RPS6KB1: variants seen among roughly 807,000 people sequenced by gnomAD.
RPS6KB1 encodes the protein ribosomal protein S6 kinase beta-1.
In RPS6KB1, 12 loss-of-function variants were observed where a neutral mutation model predicts 70.2. That is an observed-to-expected ratio of 0.17 (90% CI 0.11 to 0.28). The LOEUF (loss-of-function observed/expected upper bound fraction) is 0.28, where lower values mean the gene tolerates loss of function less well. Ranked by LOEUF, RPS6KB1 falls within the 10% of genes least tolerant of loss-of-function variation. The pLI, the probability that RPS6KB1 is intolerant of heterozygous loss-of-function variation, is 1.00. For synonymous variants in RPS6KB1, 175 were observed against 211.2 expected (o/e 0.83, Z 1.49); for missense variants, 270 against 646.6 (o/e 0.42, Z 6.32).
chr17:59,901,316 A>C (rs985366094), intron 1 of RPS6KB1, among the ~76,000 whole-genome samples: 2 of 151,262 alleles, frequency 1.3e-5, no homozygotes, highest in Non-Finnish European at 3.0e-5. Context: ...CGCCCGGCTA[A>C]TGTTTTGTAT....
intron 4 of RPS6KB1, among the ~76,000 whole-genome samples, chr17:59,919,442 C>T (rs963334843): frequency 2.1e-4 from 32 of 151,922 alleles, no homozygotes; most frequent in African/African-American, 6.5e-4. Flanking sequence ...ACAACAAGAG[C>T]GAGACTCCAT....
At chr17:59,930,756 TTCTA>T (rs1347594347) in intron 6 of RPS6KB1, 1 of 151,708 alleles carries the variant, frequency 6.6e-6, no homozygotes, top group Admixed American at 6.5e-5. Context: ...AAATGTTTTT[TTCTA>T]CCTTGATTAC....
chr17:59,946,546 T>C lies in RPS6KB1; in HGVS notation c.1341-5T>C. Reference sequence around the variant, plus strand: ...AATGAATGATAGCTCTTCCTTGTCTTAAAGCCCAGTCAAATTTTCTCCTGG... The same window carrying C: ...AATGAATGATAGCTCTTCCTTGTCTCAAAGCCCAGTCAAATTTTCTCCTGG... On this transcript the variant is annotated splice_region_variant and splice_polypyrimidine_tract_variant and intron_variant, in intron 14 of 14. Coordinates refer to ENST00000225577, the MANE Select transcript of RPS6KB1 (RefSeq NM_003161.4). The surrounding 1 kb of genome is among the most constrained non-coding windows in gnomAD (Gnocchi z 4.2). 1 of 1,612,520 alleles carries C rather than the reference T, an allele frequency of 6.2e-7. No individual in the cohort carries two copies. The highest frequency in any genetic ancestry group is 8.5e-7 in the Non-Finnish European group (1 of 1,178,570).
At chr17:59,941,624 A>G (rs901356105) in intron 13 of RPS6KB1, among the ~76,000 whole-genome samples, 7 of 149,252 alleles carry the variant, frequency 4.7e-5, no homozygotes, top group African/African-American at 7.4e-5. Context: ...TACTCTTAAC[A>G]TAAGTAGGGG....
At chr17:59,917,267 C>T (rs1255820605) in intron 4 of RPS6KB1, among the ~76,000 whole-genome samples, 1 of 151,356 alleles carries the variant, frequency 6.6e-6, no homozygotes, top group African/African-American at 2.4e-5. Flanking sequence ...CACAGACACG[C>T]ACCACCAGGC....
intron 1 of RPS6KB1, among the ~76,000 whole-genome samples, chr17:59,904,133 T>C (rs1039798622): frequency 2.0e-5 from 3 of 151,974 alleles, no homozygotes; most frequent in African/African-American, 7.2e-5. Flanking sequence ...CAGGCTGGAG[T>C]GCAGTGGCGT....
At chr17:59,900,230 A>ACACACACACACACACACC (rs1355022894) in intron 1 of RPS6KB1, among the ~76,000 whole-genome samples, 3 of 136,834 alleles carry the variant, frequency 2.2e-5, no homozygotes, top group East Asian at 2.1e-4. Context: ...ACACACACAC[A>ACACACACACACACACACC]CCCCTATGTG....
intron 3 of RPS6KB1, 23 bp downstream of exon 3, chr17:59,912,827 G>C (rs2144796536): frequency 6.2e-7 from 1 of 1,612,586 alleles, no homozygotes; most frequent in Non-Finnish European, 8.5e-7. Context: ...TTTGAAATGA[G>C]AGCTGTTGTC....
intron 1 of RPS6KB1, among the ~76,000 whole-genome samples, chr17:59,899,315 G>A (rs937169015): frequency 2.0e-5 from 3 of 152,112 alleles, no homozygotes; most frequent in African/African-American, 7.2e-5. Flanking sequence ...GTAACACTGA[G>A]TAGCAGGAAA....
At chr17:59,940,695 C>T in intron 12 of RPS6KB1, 141 bp from the exon 13 acceptor site, 4 of 452,280 alleles carry the variant, frequency 8.8e-6, no homozygotes, top group African/African-American at 4.0e-5. Context: ...ACATTTTTTT[C>T]TTCATTCTGT....
intron 7 of RPS6KB1, among the ~76,000 whole-genome samples, chr17:59,932,550 C>CTTTTTTTT (rs11390348): frequency 7.7e-6 from 1 of 130,304 alleles, no homozygotes; most frequent in Non-Finnish European, 1.6e-5. Flanking sequence ...CATCAGGTTA[C>CTTTTTTTT]TTTTTTTTTT....
chr17:59,899,096 C>T (rs1429897498), intron 1 of RPS6KB1, among the ~76,000 whole-genome samples: 3 of 151,278 alleles, frequency 2.0e-5, no homozygotes, highest in Non-Finnish European at 4.4e-5. Context: ...CCCAGCTACT[C>T]GGGAGGCTGA....
intron 1 of RPS6KB1, among the ~76,000 whole-genome samples, chr17:59,904,002 A>G (rs992484242): frequency 6.6e-6 from 1 of 151,946 alleles, no homozygotes; most frequent in South Asian, 2.1e-4. Context: ...TGGCCTCCCA[A>G]AGTGCTGGGA....
At chr17:59,932,005 G>T (rs902466169) in intron 7 of RPS6KB1, among the ~76,000 whole-genome samples, 1 of 152,072 alleles carries the variant, frequency 6.6e-6, no homozygotes, top group African/African-American at 2.4e-5. Flanking sequence ...ATCAAATGTT[G>T]TATAATGTTT....
intron 13 of RPS6KB1, among the ~76,000 whole-genome samples, chr17:59,944,577 C>T (rs573442171): frequency 1.3e-5 from 2 of 152,078 alleles, no homozygotes; most frequent in South Asian, 4.2e-4. Context: ...ATAGGGATAC[C>T]CCATCTCTTA....
chr17:59,925,255 A>C (rs2043537679), intron 4 of RPS6KB1, among the ~76,000 whole-genome samples: 1 of 152,148 alleles, frequency 6.6e-6, no homozygotes. Context: ...TGTTGCAACC[A>C]ATTACCTGTG....
Position 59,937,834 on chromosome 17 carries a change from A to C in RPS6KB1, c.1119+1293A>C, listed in dbSNP as rs142876037. Among the ~76,000 whole-genome samples, 621 of 152,322 alleles carry C rather than the reference A, an allele frequency of 4.1e-3. 3 individuals carry two copies. Among genetic ancestry groups the C allele is most frequent in the African/African-American group, 0.014 (581 of 41,576 alleles). ...GGGTAAGGCACACGATTCAACCCATAACAATATGTTTGTGAGTAAATCAGT... is the reference window on the plus strand; with the variant it reads ...GGGTAAGGCACACGATTCAACCCATCACAATATGTTTGTGAGTAAATCAGT... On this transcript the variant is annotated intron_variant, in intron 12 of 14. Transcript: ENST00000225577.
At chr17:59,905,805 C>T (rs2042232226) in intron 1 of RPS6KB1, among the ~76,000 whole-genome samples, 1 of 151,132 alleles carries the variant, frequency 6.6e-6, no homozygotes, top group African/African-American at 2.4e-5. Flanking sequence ...TGCGCCTGGC[C>T]CTTGGGAGGA....
In RPS6KB1 at chr17:59,893,754, C is replaced by T; in HGVS notation, c.141+429C>T. On this transcript the variant is annotated intron_variant, in intron 1 of 14. Transcript: ENST00000225577. The surrounding 1 kb of genome is among the most constrained non-coding windows in gnomAD (Gnocchi z 4.1). ...TTTCAAGTATTGAATCTTCAGACCTCCCACAACCACCTCTCTTCTCGGCCT... is the reference window on the plus strand; with the variant it reads ...TTTCAAGTATTGAATCTTCAGACCTTCCACAACCACCTCTCTTCTCGGCCT... 2 of 992,480 alleles carry T rather than the reference C, an allele frequency of 2.0e-6. No homozygotes were observed. The highest frequency in any genetic ancestry group is 2.4e-6 in the Non-Finnish European group (2 of 833,622). The allele number at this position is 992,480 out of a possible 1,614,324, so 61.5% of individuals were successfully genotyped here.
Sources: allele counts gnomAD v4.1 joint callset (sites outside exome capture counted in the v4.1 genomes callset), GRCh38; gene constraint gnomAD v4.1.1; non-coding constraint Gnocchi (gnomAD v3.1); transcripts MANE v1.5; gene names NCBI Gene and HGNC (gene_info 2026-07-23, HGNC 2026-07-21).